Variants in SBNO2 observed in about 807,000 individuals in gnomAD.
SBNO2 encodes strawberry notch homolog 2.
A neutral mutation model predicts 146.3 loss-of-function variants in SBNO2; 89 were observed. That is an observed-to-expected ratio of 0.61 (90% CI 0.51 to 0.73). SBNO2 has a LOEUF of 0.73. Ranked by LOEUF, SBNO2 falls within the 30% of genes least tolerant of loss-of-function variation. SBNO2 has a pLI of 0.00. For synonymous variants in SBNO2, 1,147 were observed against 892.6 expected (o/e 1.29, Z -5.08); for missense variants, 2,092 against 2,003.7 (o/e 1.04, Z -0.84).
At chr19:1,165,055 C>T (rs2080399456) in intron 1 of SBNO2, among the ~76,000 whole-genome samples, 1 of 151,942 alleles carries the variant, frequency 6.6e-6, no homozygotes, top group African/African-American at 2.4e-5. Context: ...CTCCACTGCC[C>T]TGAAGCAAAC....
chr19:1,128,005 G>A (rs1334171652), intron 4 of SBNO2, among the ~76,000 whole-genome samples: 6 of 152,224 alleles, frequency 3.9e-5, no homozygotes, highest in Middle Eastern at 3.4e-3. Flanking sequence ...TACTAGGGAC[G>A]GGGTTTCACC....
chr19:1,147,742 T>C (rs1282287554), intron 3 of SBNO2, among the ~76,000 whole-genome samples: 1 of 152,000 alleles, frequency 6.6e-6, no homozygotes, highest in Non-Finnish European at 1.5e-5. Flanking sequence ...AAGGGTTCAT[T>C]CTGGCGATTC....
At chr19:1,171,667 G>GGGCATCCGTGACTCC (rs2080479164) in intron 1 of SBNO2, among the ~76,000 whole-genome samples, 1 of 152,180 alleles carries the variant, frequency 6.6e-6, no homozygotes, top group Non-Finnish European at 1.5e-5. Flanking sequence ...CCTGCCGGAG[G>GGGCATCCGTGACTCC]GGCATCCGTG....
In SBNO2 at chr19:1,114,234, G is replaced by A. The variant is rs999738523; in HGVS notation, c.2074C>T (p.Arg692Trp). The A allele has an allele frequency of 4.7e-6, 7 of 1,488,250 alleles. No individual in the cohort carries two copies. The highest frequency in any genetic ancestry group is 2.7e-5 in the East Asian group (1 of 37,650). The allele number at this position is 1,488,250 out of a possible 1,614,324, so 92.2% of individuals were successfully genotyped here. The change falls in exon 18 of 32, where the codon CGG (arginine) becomes TGG (tryptophan). Residue 692 changes from arginine to tryptophan, a missense_variant. Physicochemically the swap from Arg to Trp is moderately radical, Grantham distance 101 (BLOSUM62 -3). Transcript: ENST00000361757. ...VDAVGLPSDD[R>W]GPLCLLQRDP... ...GCCAGCCTGGGCAAGCCCTCACCCC[G>A]GTCGTCACTGGGGAGCCCGACTGCA...
At position 1,111,038 on chromosome 19, in the gene SBNO2, G is replaced by T; in HGVS notation, c.2865C>A (p.Gly955=). The change falls in exon 25 of 32, where the codon GGC becomes GGA. Residue 955 remains glycine (G), a synonymous_variant. Transcript: ENST00000361757. ...VGIGGRESRN[G]CLDVEKDCSI... is the part of the protein sequence containing the mutation. ...ACTCACCCTTCTCCACGTCCAGGCA[G>T]CCATTCCGGGACTCCCGGCCACCAA... is the stretch of plus-strand genomic sequence containing the variant. The T allele has an allele frequency of 6.3e-7, 1 of 1,575,380 alleles. No individual in the cohort carries two copies. The highest frequency in any genetic ancestry group is 8.6e-7 in the Non-Finnish European group (1 of 1,161,406).
chr19:1,165,265 C>T (rs4807623), intron 1 of SBNO2, among the ~76,000 whole-genome samples: 40,287 of 152,090 alleles, frequency 0.26, 6,263 homozygotes, highest in East Asian at 0.45. Context: ...AGCACGGTGC[C>T]GAATGCAGGC....
intron 1 of SBNO2, among the ~76,000 whole-genome samples, chr19:1,170,451 G>A (rs1183320366): frequency 2.0e-5 from 3 of 152,164 alleles, no homozygotes; most frequent in Admixed American, 1.3e-4. Context: ...ACTGCCGGGC[G>A]GACAGCGGGC....
At chr19:1,114,061 A>G (rs1471677346) in intron 18 of SBNO2, among the ~76,000 whole-genome samples, 170 bp downstream of exon 18, 1 of 152,136 alleles carries the variant, frequency 6.6e-6, no homozygotes, top group African/African-American at 2.4e-5. Flanking sequence ...TGGGCACCAT[A>G]GCAGCAGCTG....
In SBNO2 at chr19:1,108,419, GCA is replaced by G; in HGVS notation, c.3900_3901del (p.Ala1301GlyfsTer70). The G allele has an allele frequency of 7.9e-7, 1 of 1,267,724 alleles. No individual in the cohort carries two copies. The highest frequency in any genetic ancestry group is 1.0e-6 in the Non-Finnish European group (1 of 1,001,570). The allele number at this position is 1,267,724 out of a possible 1,614,324, so 78.5% of individuals were successfully genotyped here. On this transcript the variant is annotated frameshift_variant, in exon 32 of 32. Transcript: ENST00000361757. LOFTEE classifies it low-confidence loss of function (END_TRUNC). Reference sequence around the variant, plus strand: ...GTCGCAGCCCTGGTGCGCGAGGGCCGCAGGGTCGGCCTGGGCGTCGGGGGTGC... The same window carrying G: ...GTCGCAGCCCTGGTGCGCGAGGGCCGGGGTCGGCCTGGGCGTCGGGGGTGC...
intron 4 of SBNO2, among the ~76,000 whole-genome samples, chr19:1,146,339 C>T (rs944551681): frequency 8.5e-5 from 13 of 152,240 alleles, no homozygotes; most frequent in Admixed American, 7.8e-4. Context: ...GGGGTCCACC[C>T]GGCGAGCTGT....
chr19:1,114,313 G>A lies in SBNO2; in HGVS notation c.1995C>T (p.Ser665=), dbSNP rs574873180. The A allele has an allele frequency of 2.1e-5, 32 of 1,555,516 alleles. No individual in the cohort carries two copies. The East Asian group carries it at 3.9e-4, about 19-fold the overall frequency. ...SSTESDPGLD[S]DFNSSPESLV... is the part of the protein sequence containing the mutation. The stretch of plus-strand genomic sequence containing the variant: ...GGGACTCGGGGGAGGAGTTGAAGTC[G>A]CTGTCCAGGCCAGGGTCCGACTCCG... The change falls in exon 18 of 32, where the codon AGC becomes AGT. Residue 665 remains serine (S), a synonymous_variant. Transcript: ENST00000361757.
rs1156732201 is a variant in SBNO2, at chr19:1,108,986, T to G, written c.3426-17A>C. 1 of 1,501,174 alleles carries G rather than the reference T, an allele frequency of 6.7e-7. No individual in the cohort carries two copies. Among genetic ancestry groups the G allele is most frequent in the Non-Finnish European group, 8.9e-7 (1 of 1,128,886 alleles). The allele number at this position is 1,501,174 out of a possible 1,614,324, so 93.0% of individuals were successfully genotyped here. On this transcript the variant is annotated splice_polypyrimidine_tract_variant and intron_variant, in intron 30 of 31. Coordinates refer to ENST00000361757, the MANE Select transcript of SBNO2 (RefSeq NM_014963.3). ...TGCCGGTTCCTGCGGACGAGACGGG[T>G]CGTCTCGGCTCAGGCGGGTCCCAGG...
At chr19:1,132,128 G>A in intron 4 of SBNO2, 1 of 1,524,240 alleles carries the variant, frequency 6.6e-7, no homozygotes, top group South Asian at 1.2e-5. Context: ...AGCTGCAGCT[G>A]GGACATGGTC....
At chr19:1,123,851 C>T (rs747881310) in intron 6 of SBNO2, 91 bp downstream of exon 6, 17 of 1,339,214 alleles carry the variant, frequency 1.3e-5, no homozygotes, top group Admixed American at 4.9e-5. Flanking sequence ...GCCAGCCAAG[C>T]GCTCCCCACA....
At chr19:1,122,080 C>G in intron 11 of SBNO2, 59 bp downstream of exon 11, 2 of 1,236,034 alleles carry the variant, frequency 1.6e-6, no homozygotes, top group Non-Finnish European at 2.1e-6. Context: ...CCTCCATCCT[C>G]CTTTTCCCTC....
At chr19:1,156,758 T>G (rs1373323722) in intron 1 of SBNO2, among the ~76,000 whole-genome samples, 1 of 152,090 alleles carries the variant, frequency 6.6e-6, no homozygotes, top group East Asian at 1.9e-4. Context: ...CAGATGTGTG[T>G]GATCCCACTA....
intron 6 of SBNO2, 50 bp downstream of exon 6, chr19:1,123,892 A>G: frequency 6.5e-7 from 1 of 1,538,132 alleles, no homozygotes; most frequent in Non-Finnish European, 8.9e-7. Context: ...CCCTCTCCTT[A>G]GGTCCCATGA....
In SBNO2 at chr19:1,162,415, G is replaced by T. The variant is rs377004903; in HGVS notation, c.-126-8013C>A. Among the ~76,000 whole-genome samples the T allele has an allele frequency of 1.7e-3, 261 of 150,004 alleles. 2 individuals are homozygous for T. The highest frequency in any genetic ancestry group is 6.3e-3 in the African/African-American group (257 of 40,864). ...GCGGCGCTTGCAGTGAGCCGAGATC[G>T]GGCCACTGCACTCCAGCCTGGGTGA... On this transcript the variant is annotated intron_variant, in intron 1 of 31. Transcript: ENST00000361757.
intron 1 of SBNO2, among the ~76,000 whole-genome samples, chr19:1,166,887 A>G (rs933647564): frequency 3.3e-5 from 5 of 152,170 alleles, no homozygotes; most frequent in Non-Finnish European, 7.4e-5. Context: ...TCAGGCCACA[A>G]GGTCTCCCCA....
Sources: gnomAD v4.1 joint callset for allele counts (sites outside exome capture counted in the v4.1 genomes callset) on GRCh38, gnomAD v4.1.1 for gene constraint, MANE v1.5 for transcripts, NCBI Gene and HGNC (gene_info 2026-07-23, HGNC 2026-07-21) for gene names.